The following ABCC1 variants were observed in gnomAD, a reference collection of about 807,000 sequenced individuals.
ABCC1 encodes ATP binding cassette subfamily C member 1 (ABCC1 blood group).
A neutral mutation model predicts 172.9 loss-of-function variants in ABCC1; 83 were observed. The observed-to-expected ratio is 0.48, with a 90% CI of 0.40 to 0.58. ABCC1 has a LOEUF of 0.58. ABCC1 is among the 20% of genes least tolerant of loss of function. The pLI, the probability that ABCC1 is intolerant of heterozygous loss-of-function variation, is 0.00. For synonymous variants in ABCC1, 937 were observed against 825.2 expected (o/e 1.14, Z -2.32); for missense variants, 1,817 against 2,002.7 (o/e 0.91, Z 1.77).
At chr16:16,018,410 A>G (rs1169129904) in intron 5 of ABCC1, among the ~76,000 whole-genome samples, 4 of 152,084 alleles carry the variant, frequency 2.6e-5, no homozygotes, top group African/African-American at 9.7e-5. Flanking sequence ...TTAGCCAGGC[A>G]TGGTGGTGCA....
In ABCC1 at chr16:16,048,984, C is replaced by A. The variant is rs374098534; in HGVS notation, c.1380+681C>A. On this transcript the variant is annotated intron_variant, in intron 10 of 30. Transcript: ENST00000399410. ...GGCAACAAGAGTGAAACTCCAATTC[C>A]AAAAAAAAAAAAAAGTAGCCTAAGT... Among the ~76,000 whole-genome samples the A allele has an allele frequency of 3.5e-3, 361 of 103,578 alleles. 2 individuals are homozygous for A. Among genetic ancestry groups the A allele is most frequent in the African/African-American group, 9.1e-3 (276 of 30,318 alleles). The allele number at this position is 103,578 out of a possible 152,430, so 68.0% of individuals were successfully genotyped here.
At chr16:16,044,040 G>T (rs2049095537) in intron 7 of ABCC1, among the ~76,000 whole-genome samples, 1 of 152,212 alleles carries the variant, frequency 6.6e-6, no homozygotes, top group Non-Finnish European at 1.5e-5. Flanking sequence ...ATTTCTACCT[G>T]GCAGCCAGCT....
chr16:16,115,137 C>A, intron 23 of ABCC1, 61 bp downstream of exon 23: 1 of 1,524,316 alleles, frequency 6.6e-7, no homozygotes, highest in South Asian at 1.2e-5. Flanking sequence ...ACCAGTGTTA[C>A]CTAAAGCCTT....
chr16:16,132,810 C>T (rs2045757491), intron 27 of ABCC1, among the ~76,000 whole-genome samples: 3 of 152,158 alleles, frequency 2.0e-5, no homozygotes, highest in Non-Finnish European at 4.4e-5. Flanking sequence ...GTGTGAGCCA[C>T]TGCACCTGGC....
chr16:16,122,462 C>T (rs571974592), intron 24 of ABCC1, among the ~76,000 whole-genome samples: 1 of 152,296 alleles, frequency 6.6e-6, no homozygotes, highest in Non-Finnish European at 1.5e-5. Flanking sequence ...TGATGCAAGA[C>T]TGCCAGCGAC....
At chr16:15,955,815 C>T (rs183817400) in intron 1 of ABCC1, among the ~76,000 whole-genome samples, 9 of 152,264 alleles carry the variant, frequency 5.9e-5, no homozygotes, top group South Asian at 2.1e-4. Context: ...ACCAAAAGAT[C>T]GGCTCCATAG....
intron 5 of ABCC1, among the ~76,000 whole-genome samples, chr16:16,024,704 T>C (rs2048312230): frequency 6.6e-6 from 1 of 152,130 alleles, no homozygotes; most frequent in South Asian, 2.1e-4. Context: ...GGAAAGGTTT[T>C]TCACCAGTGG....
chr16:16,059,272 T>A (rs896622577), intron 12 of ABCC1, among the ~76,000 whole-genome samples: 1 of 152,198 alleles, frequency 6.6e-6, no homozygotes, highest in Non-Finnish European at 1.5e-5. Context: ...CGAGAGAGAC[T>A]GGCAGAAAGT....
In ABCC1 at chr16:16,016,600, C is replaced by T. The variant is rs2048007640; in HGVS notation, c.594C>T (p.Phe198=). Residue 198 remains phenylalanine, a synonymous_variant, in exon 5 of 31, where the codon TTC becomes TTT. Transcript: ENST00000399410. ...GTTTCTCAGATCGCTCACCCCTGTT[C>T]TCGGAAACCATCCACGACCCTGTAA... The part of the protein sequence containing the change: ...LSCFSDRSPL[F]SETIHDPNPC... 6.2e-7 allele frequency: 1 copy of T among 1,614,042 alleles called. No individual in the cohort carries two copies. The highest frequency in any genetic ancestry group is 8.5e-7 in the Non-Finnish European group (1 of 1,180,052).
At chr16:15,988,512 G>A (rs978749112) in intron 1 of ABCC1, among the ~76,000 whole-genome samples, 2 of 152,174 alleles carry the variant, frequency 1.3e-5, no homozygotes, top group African/African-American at 4.8e-5. Context: ...ACATGACTAA[G>A]GGATTTATTT....
intron 7 of ABCC1, among the ~76,000 whole-genome samples, chr16:16,038,656 A>G (rs2048848695): frequency 1.3e-5 from 2 of 152,160 alleles, no homozygotes; most frequent in Admixed American, 6.5e-5. Flanking sequence ...ACACTTTAAC[A>G]GCAATCTGGG....
In ABCC1 at chr16:16,007,938, C is replaced by T. The variant is rs759000895; in HGVS notation, c.171C>T (p.Leu57=). 6.2e-7 allele frequency: 1 copy of T among 1,610,926 alleles called. No homozygotes were observed. The highest frequency in any genetic ancestry group is 1.1e-5 in the South Asian group (1 of 90,482). Reference sequence around the variant, plus strand: ...GTTTCCCCTTCTACTTCCTCTATCTCTCCCGACATGACCGAGGCTACATTC... The same window carrying T: ...GTTTCCCCTTCTACTTCCTCTATCTTTCCCGACATGACCGAGGCTACATTC... ...WACFPFYFLY[L]SRHDRGYIQM... The change falls in exon 2 of 31, where the codon CTC becomes CTT. Residue 57 remains leucine, a synonymous_variant. Transcript: ENST00000399410.
intron 3 of ABCC1, among the ~76,000 whole-genome samples, chr16:16,012,262 A>G (rs4780589): frequency 0.63 from 96,128 of 152,054 alleles, 31,006 homozygotes; most frequent in Non-Finnish European, 0.7. Context: ...TAAGTGGTAG[A>G]GCCAGCTTCC....
chr16:16,039,890 T>C (rs246229), intron 7 of ABCC1, among the ~76,000 whole-genome samples: 26,529 of 151,610 alleles, frequency 0.17, 3,634 homozygotes, highest in African/African-American at 0.37. Context: ...TCAGGGGGCT[T>C]GTGTGGCTTG....
chr16:15,970,031 G>A (rs77679997), intron 1 of ABCC1, among the ~76,000 whole-genome samples: 3,380 of 152,186 alleles, frequency 0.022, 135 homozygotes, highest in African/African-American at 0.077. Flanking sequence ...GTGCAATAGC[G>A]GGGTTTCATC....
chr16:16,018,255 A>G (rs1256730473), intron 5 of ABCC1, among the ~76,000 whole-genome samples: 3 of 151,828 alleles, frequency 2.0e-5, no homozygotes, highest in Non-Finnish European at 4.4e-5. Context: ...GATTTTAGAA[A>G]CCTATGTCTC....
At chr16:15,980,270 C>G (rs1268195317) in intron 1 of ABCC1, among the ~76,000 whole-genome samples, 1 of 152,060 alleles carries the variant, frequency 6.6e-6, no homozygotes, top group Admixed American at 6.6e-5. Context: ...TTTGAGAGGC[C>G]AAGGTGGGAA....
intron 12 of ABCC1, among the ~76,000 whole-genome samples, chr16:16,066,843 C>T (rs971498456): frequency 2.0e-5 from 3 of 150,866 alleles, no homozygotes; most frequent in South Asian, 4.2e-4. Context: ...GCAGAGGTTG[C>T]GGTGAACTGC....
At chr16:15,993,533 G>T (rs1342909896) in intron 1 of ABCC1, among the ~76,000 whole-genome samples, 1 of 152,106 alleles carries the variant, frequency 6.6e-6, no homozygotes, top group Non-Finnish European at 1.5e-5. Flanking sequence ...AGGAGGTGGG[G>T]AGTGCTACTA....
Sources: gnomAD v4.1 joint callset for allele counts (sites outside exome capture counted in the v4.1 genomes callset) on GRCh38, gnomAD v4.1.1 for gene constraint, MANE v1.5 for transcripts, NCBI Gene and HGNC (gene_info 2026-07-23, HGNC 2026-07-21) for gene names.